The following GRIK4 variants were observed in gnomAD, a reference collection of about 807,000 sequenced individuals.
The protein encoded by GRIK4 is glutamate ionotropic receptor kainate type subunit 4.
A neutral mutation model predicts 104.9 loss-of-function variants in GRIK4; 40 were observed. The ratio of observed to expected loss-of-function variants is 0.38; its 90% CI spans 0.30 to 0.50. GRIK4 has a LOEUF of 0.50. Ranked by LOEUF, GRIK4 falls within the 20% of genes least tolerant of loss-of-function variation. GRIK4 has a pLI of 0.93. For missense variants in GRIK4, 1,047 were observed against 1,308.1 expected, an observed-to-expected ratio of 0.80 and a Z score of 3.08; for synonymous variants, 485 against 524.9, an observed-to-expected ratio of 0.92 and a Z score of 1.04.
chr11:120,651,795 G>A (rs867076388), intron 1 of GRIK4, among the ~76,000 whole-genome samples: 2 of 152,214 alleles, frequency 1.3e-5, no homozygotes, highest in East Asian at 1.9e-4. Flanking sequence ...TTTGGCCAAA[G>A]GGTACTCCCA....
At chr11:120,560,657 T>C (rs1159623816) in intron 1 of GRIK4, among the ~76,000 whole-genome samples, 1 of 152,250 alleles carries the variant, frequency 6.6e-6, no homozygotes, top group Non-Finnish European at 1.5e-5. Context: ...CATTCATTAG[T>C]TGAGTGGTCT....
At chr11:120,705,879 ATTTG>A (rs1950622142) in intron 3 of GRIK4, among the ~76,000 whole-genome samples, 1 of 152,156 alleles carries the variant, frequency 6.6e-6, no homozygotes, top group Non-Finnish European at 1.5e-5. Context: ...AATTTGCAGA[ATTTG>A]TTTATTAGCT....
At chr11:120,808,485 C>G (rs1952761270) in intron 4 of GRIK4, among the ~76,000 whole-genome samples, 1 of 152,142 alleles carries the variant, frequency 6.6e-6, no homozygotes, top group Non-Finnish European at 1.5e-5. Flanking sequence ...GGCTTGGGAC[C>G]AGGTGAAGGC....
chr11:120,714,029 C>T (rs150977118), intron 3 of GRIK4, among the ~76,000 whole-genome samples: 14 of 152,330 alleles, frequency 9.2e-5, no homozygotes, highest in African/African-American at 2.9e-4. Flanking sequence ...GCTCATCACT[C>T]ATTCCTCTTC....
At chr11:120,914,826 A>T (rs1294714918) in intron 13 of GRIK4, among the ~76,000 whole-genome samples, 1 of 152,222 alleles carries the variant, frequency 6.6e-6, no homozygotes, top group East Asian at 1.9e-4. Flanking sequence ...ACTCTAGCAG[A>T]TGAGAGGGGG....
At chr11:120,951,191 G>T (rs1055405773) in intron 14 of GRIK4, among the ~76,000 whole-genome samples, 4 of 152,148 alleles carry the variant, frequency 2.6e-5, no homozygotes, top group African/African-American at 9.7e-5. Context: ...AAGTAAAACT[G>T]CACCGCAGGC....
intron 1 of GRIK4, among the ~76,000 whole-genome samples, chr11:120,631,141 C>T (rs1392254364): frequency 2.6e-5 from 4 of 152,256 alleles, no homozygotes; most frequent in Non-Finnish European, 5.9e-5. Flanking sequence ...CGGTGTCCGG[C>T]TGCTACGCAG....
At position 120,808,868 on chromosome 11, in the gene GRIK4, C is replaced by T. The variant is rs144958000; in HGVS notation, c.247+6011C>T. 7.5e-4 allele frequency among the ~76,000 whole-genome samples: 114 copies of T among 152,274 alleles called. 1 individual carries two copies. The East Asian group carries it at 0.022, about 29-fold the overall frequency. On this transcript the variant is annotated intron_variant, in intron 4 of 20. Coordinates refer to ENST00000527524, the MANE Select transcript of GRIK4 (RefSeq NM_014619.5). ...GCTTCCGTGTGAAGGACTCTGAGTT[C>T]TCCCAGCCCTCCCCAGTGCACATCT...
In GRIK4 at chr11:120,931,070, A is replaced by G. The variant is rs972032149; in HGVS notation, c.1477-9277A>G. On this transcript the variant is annotated intron_variant, in intron 13 of 20. Transcript: ENST00000527524. ...TCCTCATAACATCTCTGAATTGGCA[A>G]TTATTATCCCCACTTTACAGATAAG... Among the ~76,000 whole-genome samples the G allele has an allele frequency of 8.5e-5, 13 of 152,310 alleles. No homozygotes were observed. In the South Asian group the frequency reaches 1.2e-3, roughly 15 times the overall value.
chr11:120,647,770 C>T (rs551957806), intron 1 of GRIK4, among the ~76,000 whole-genome samples: 3 of 152,340 alleles, frequency 2.0e-5, no homozygotes, highest in South Asian at 4.1e-4. Flanking sequence ...CTTATGAAAG[C>T]GGCTTCGCTG....
rs1392724111 is a variant in GRIK4, at chr11:120,952,244, G to A, written c.1591-611G>A. 2.0e-5 allele frequency among the ~76,000 whole-genome samples: 3 copies of A among 152,052 alleles called. No individual in the cohort carries two copies. The highest frequency in any genetic ancestry group is 6.6e-5 in the Admixed American group (1 of 15,264). ...GGAAACATGGGCTTTTTTGGGTCCC[G>A]GCTCTTCCATTTACGCACTGTGGAA... On this transcript the variant is annotated intron_variant, in intron 14 of 20. Coordinates refer to ENST00000527524, the MANE Select transcript of GRIK4 (RefSeq NM_014619.5). This position sits in a 1 kb window ranked among gnomAD's most constrained non-coding sequence, Gnocchi z 5.2.
chr11:120,560,791 A>G (rs929893725), intron 1 of GRIK4, among the ~76,000 whole-genome samples: 3 of 152,240 alleles, frequency 2.0e-5, no homozygotes, highest in African/African-American at 7.2e-5. Flanking sequence ...TATCTGGCAC[A>G]TAATAAGCAT....
intron 1 of GRIK4, among the ~76,000 whole-genome samples, chr11:120,579,711 A>C (rs1426982330): frequency 6.6e-6 from 1 of 152,188 alleles, no homozygotes; most frequent in Non-Finnish European, 1.5e-5. Context: ...GGCAACAGAC[A>C]TGTGTGGGCG....
intron 13 of GRIK4, among the ~76,000 whole-genome samples, chr11:120,924,629 A>T (rs147429002): frequency 6.6e-6 from 1 of 152,186 alleles, no homozygotes; most frequent in Non-Finnish European, 1.5e-5. Context: ...CCCAAAGGTA[A>T]CCATTATTCC....
chr11:120,936,832 GC>G (rs1291956874), intron 13 of GRIK4, among the ~76,000 whole-genome samples: 1 of 152,000 alleles, frequency 6.6e-6, no homozygotes, highest in Non-Finnish European at 1.5e-5. Context: ...CTGGGAGCAT[GC>G]CCACCCCTCC....
chr11:120,536,665 A>T (rs538211226), intron 1 of GRIK4, among the ~76,000 whole-genome samples: 2 of 152,256 alleles, frequency 1.3e-5, no homozygotes, highest in East Asian at 3.9e-4. Flanking sequence ...TTGATGGCTC[A>T]GGTGAGGAGG....
chr11:120,532,162 T>C (rs1054115251), intron 1 of GRIK4, among the ~76,000 whole-genome samples: 5 of 152,126 alleles, frequency 3.3e-5, no homozygotes, highest in South Asian at 2.1e-4. Context: ...CAAGGGTGAT[T>C]GCATGGTCCC....
At chr11:120,767,210 A>G (rs1951854848) in intron 3 of GRIK4, among the ~76,000 whole-genome samples, 1 of 152,020 alleles carries the variant, frequency 6.6e-6, no homozygotes, top group African/African-American at 2.4e-5. Flanking sequence ...CCTTGCCAAC[A>G]CTTGTTATCT....
chr11:120,960,029 CA>C (rs1185692720), intron 16 of GRIK4, among the ~76,000 whole-genome samples: 8 of 144,708 alleles, frequency 5.5e-5, no homozygotes, highest in Non-Finnish European at 7.6e-5. Flanking sequence ...ACCCTGTCTC[CA>C]AAAAAAAAAG....
Sources: gnomAD v4.1 joint callset for allele counts (sites outside exome capture counted in the v4.1 genomes callset) on GRCh38, gnomAD v4.1.1 for gene constraint, Gnocchi (gnomAD v3.1) non-coding constraint, MANE v1.5 for transcripts, NCBI Gene and HGNC (gene_info 2026-07-23, HGNC 2026-07-21) for gene names.